The following NRXN1 variants were observed in gnomAD, a reference collection of about 807,000 sequenced individuals.
The protein encoded by NRXN1 is neurexin-1.
NRXN1 carries 39 observed loss-of-function variants against 150.9 expected under a neutral mutation model. That is an observed-to-expected ratio of 0.26 (90% confidence interval 0.20 to 0.34). The LOEUF (loss-of-function observed/expected upper bound fraction) is 0.34, where lower values mean the gene tolerates loss of function less well. NRXN1 is among the 10% of genes least tolerant of loss of function. NRXN1 has a pLI of 1.00. For missense variants in NRXN1, 1,815 were observed against 1,949.9 expected (o/e 0.93, Z 1.30); for synonymous variants, 924 against 757.0 (o/e 1.22, Z -3.62).
intron 2 of NRXN1, among the ~76,000 whole-genome samples, chr2:50,997,681 A>C (rs1354044891): frequency 7.1e-6 from 1 of 140,058 alleles, no homozygotes; most frequent in Non-Finnish European, 1.5e-5. Context: ...GTAATTAAAA[A>C]AAAAAATTAT....
At chr2:50,502,028 T>G (rs2091973837) in intron 13 of NRXN1, among the ~76,000 whole-genome samples, 2 of 152,234 alleles carry the variant, frequency 1.3e-5, no homozygotes, top group African/African-American at 4.8e-5. Flanking sequence ...ATTGCTTCTC[T>G]GATTTATGGG....
chr2:49,928,954 A>G (rs1040451507), intron 22 of NRXN1, among the ~76,000 whole-genome samples: 1 of 152,108 alleles, frequency 6.6e-6, no homozygotes, highest in Non-Finnish European at 1.5e-5. Context: ...CCCTTCCCCA[A>G]TACATCGGAG....
At position 50,386,214 on chromosome 2, in the gene NRXN1, T is replaced by C. The variant is rs1201366138; in HGVS notation, c.3364+79228A>G. ...ATCAATCATACAGAACTGATGGTTG[T>C]AAGCAAAATATCATTTTGCTATATT... On this transcript the variant is annotated intron_variant, in intron 17 of 22. Transcript: ENST00000401669. Among the ~76,000 whole-genome samples, 40 of 152,164 alleles carry C rather than the reference T, an allele frequency of 2.6e-4. 1 individual carries two copies. The highest frequency in any genetic ancestry group is 2.6e-3 in the Admixed American group (40 of 15,272).
At chr2:49,991,059 A>T (rs971796918) in intron 21 of NRXN1, among the ~76,000 whole-genome samples, 1 of 152,170 alleles carries the variant, frequency 6.6e-6, no homozygotes, top group African/African-American at 2.4e-5. Flanking sequence ...TTTGGAAAAA[A>T]ATAAAATAAA....
At chr2:50,732,477 C>T (rs1316602328) in intron 5 of NRXN1, among the ~76,000 whole-genome samples, 1 of 152,118 alleles carries the variant, frequency 6.6e-6, no homozygotes, top group Non-Finnish European at 1.5e-5. Context: ...GCGGTCTGTA[C>T]TTTTCACTGA....
At chr2:50,891,623 T>C (rs1681079425) in intron 5 of NRXN1, among the ~76,000 whole-genome samples, 1 of 152,042 alleles carries the variant, frequency 6.6e-6, no homozygotes, top group Non-Finnish European at 1.5e-5. Flanking sequence ...ACTGCTTTAA[T>C]AAAATCACAT....
In NRXN1 at chr2:49,974,315, G is replaced by C. The variant is rs1428169045; in HGVS notation, c.4129-30524C>G. On this transcript the variant is annotated intron_variant, in intron 21 of 22. Transcript: ENST00000401669. The stretch of plus-strand genomic sequence containing the variant: ...AGGCTGTTGGTACACAGCCCAGCCC[G>C]GCACCACTCAAAAAGTCTCAGCAGT... The C allele has an allele frequency of 1.2e-5, 6 of 481,552 alleles. No homozygotes were observed. In the East Asian group the frequency reaches 1.8e-4, roughly 14 times the overall value. The allele number at this position is 481,552 out of a possible 1,614,324, so 29.8% of individuals were successfully genotyped here.
chr2:50,723,444 G>C (rs1321898236), intron 5 of NRXN1, among the ~76,000 whole-genome samples: 1 of 152,180 alleles, frequency 6.6e-6, no homozygotes, highest in African/African-American at 2.4e-5. Flanking sequence ...TGCATCTTGA[G>C]ATATGCTACT....
chr2:50,325,264 T>C (rs2076311047), intron 17 of NRXN1, among the ~76,000 whole-genome samples: 1 of 152,226 alleles, frequency 6.6e-6, no homozygotes, highest in African/African-American at 2.4e-5. Flanking sequence ...AGATGTAGAC[T>C]GTTCCCTGTG....
chr2:50,266,284 C>A (rs2152918583), intron 17 of NRXN1, among the ~76,000 whole-genome samples: 1 of 150,214 alleles, frequency 6.7e-6, no homozygotes, highest in East Asian at 1.9e-4. Flanking sequence ...CAGGTGTGAG[C>A]CACCACTCCT....
At chr2:49,936,250 C>T (rs1368447883) in intron 22 of NRXN1, among the ~76,000 whole-genome samples, 1 of 152,168 alleles carries the variant, frequency 6.6e-6, no homozygotes, top group Admixed American at 6.5e-5. Flanking sequence ...TTAGTTAAAA[C>T]ATTTTAACAG....
intron 13 of NRXN1, 35 bp from the exon 14 acceptor site, chr2:50,497,749 A>G (rs200638709): frequency 6.4e-7 from 1 of 1,550,972 alleles, no homozygotes; most frequent in East Asian, 2.3e-5. Context: ...TATTTTCTGT[A>G]TCTGAAAGGC....
chr2:50,345,349 C>T (rs1575162865), intron 17 of NRXN1, among the ~76,000 whole-genome samples: 1 of 152,258 alleles, frequency 6.6e-6, no homozygotes, highest in African/African-American at 2.4e-5. Context: ...GAAACCCCCA[C>T]CCCACCCTGC....
chr2:49,943,163 G>T (rs890588113), intron 22 of NRXN1, among the ~76,000 whole-genome samples: 2 of 152,136 alleles, frequency 1.3e-5, no homozygotes, highest in African/African-American at 4.8e-5. Flanking sequence ...TTGAATTTTA[G>T]GGAAACATGG....
intron 2 of NRXN1, among the ~76,000 whole-genome samples, chr2:50,945,351 C>G (rs903663723): frequency 5.3e-5 from 8 of 151,976 alleles, no homozygotes; most frequent in Admixed American, 3.9e-4. Flanking sequence ...TTGATCTCAG[C>G]TACTGAAGAG....
intron 5 of NRXN1, among the ~76,000 whole-genome samples, chr2:50,773,991 A>G (rs1052439617): frequency 6.6e-6 from 1 of 152,084 alleles, no homozygotes; most frequent in African/African-American, 2.4e-5. Context: ...CAACCCCCAC[A>G]CGACCCGGAT....
chr2:50,405,543 C>A (rs1341655016), intron 17 of NRXN1, among the ~76,000 whole-genome samples: 2 of 152,048 alleles, frequency 1.3e-5, no homozygotes, highest in Admixed American at 6.6e-5. Context: ...TCACAGTAAT[C>A]CACCTGTTGG....
chr2:50,497,575 G>A lies in NRXN1; in HGVS notation c.2637C>T (p.Tyr879=). 6.2e-7 allele frequency: 1 copy of A among 1,613,930 alleles called. No homozygotes were observed. The highest frequency in any genetic ancestry group is 8.5e-7 in the Non-Finnish European group (1 of 1,179,850). ...TGTCGCCATTTTTACACAGGTCAAT[G>A]TATGCCATTCCATTAAATGTCAAGC... The part of the protein sequence containing the change: ...LQSLTFNGMA[Y]IDLCKNGDID... The change falls in exon 14 of 23, where the codon TAC becomes TAT. Residue 879 remains tyrosine (Y), a synonymous_variant. Coordinates refer to ENST00000401669, the MANE Select transcript of NRXN1 (RefSeq NM_001330078.2).
intron 2 of NRXN1, among the ~76,000 whole-genome samples, chr2:50,992,299 T>C (rs116042931): frequency 2.8e-4 from 42 of 152,026 alleles, no homozygotes; most frequent in Non-Finnish European, 5.3e-4. Context: ...AAACTGAGGA[T>C]TATAGAAGTT....
Sources: allele counts gnomAD v4.1 joint callset (sites outside exome capture counted in the v4.1 genomes callset), GRCh38; gene constraint gnomAD v4.1.1; transcripts MANE v1.5; gene names NCBI Gene and HGNC (gene_info 2026-07-23, HGNC 2026-07-21).